The following SMCO2 variants were observed in gnomAD, a reference collection of about 807,000 sequenced individuals.
The protein encoded by SMCO2 is single-pass membrane and coiled-coil domain-containing protein 2.
A neutral mutation model predicts 29.5 loss-of-function variants in SMCO2; 25 were observed. That is an observed-to-expected ratio of 0.85 (90% confidence interval 0.62 to 1.18). SMCO2 has a LOEUF of 1.18. Ranked by LOEUF, SMCO2 falls within the 50% of genes most tolerant of loss-of-function variation. The pLI, the probability that SMCO2 is intolerant of heterozygous loss-of-function variation, is 0.00. For missense variants in SMCO2, 348 were observed against 344.5 expected (o/e 1.01, Z -0.08); for synonymous variants, 117 against 123.3 (o/e 0.95, Z 0.34).
At chr12:27,472,629 C>T in intron 2 of SMCO2, 147 bp from the exon 3 acceptor site, 1 of 533,216 alleles carries the variant, frequency 1.9e-6, no homozygotes, top group Non-Finnish European at 3.3e-6. Context: ...GTGTTATTCA[C>T]CCAGAAAGAA....
chr12:27,454,624 A>C, the SMCO2 span, among the ~76,000 whole-genome samples: 1 of 152,184 alleles, frequency 6.6e-6, no homozygotes, highest in African/African-American at 2.4e-5. Context: ...TGTGCAGAAC[A>C]TGCAGGTTTG....
chr12:27,432,510 A>T, the SMCO2 span, among the ~76,000 whole-genome samples: 1 of 152,232 alleles, frequency 6.6e-6, no homozygotes, highest in African/African-American at 2.4e-5. Flanking sequence ...TTATACAACT[A>T]TATAAGAAGA....
At chr12:27,448,394 A>G in the SMCO2 span, among the ~76,000 whole-genome samples, 1 of 152,228 alleles carries the variant, frequency 6.6e-6, no homozygotes, top group Non-Finnish European at 1.5e-5. Context: ...GTTTAGTAGA[A>G]TACTACTTGT....
chr12:27,478,058 G>C (rs544022347), intron 4 of SMCO2, among the ~76,000 whole-genome samples: 23 of 152,238 alleles, frequency 1.5e-4, no homozygotes, highest in Admixed American at 1.1e-3. Context: ...GGCTTTCATA[G>C]GGAAAGATTA....
At chr12:27,463,007 A>G (rs1300536438), upstream of SMCO2, among the ~76,000 whole-genome samples, 2 of 152,134 alleles carry the variant, frequency 1.3e-5, no homozygotes, top group Admixed American at 6.5e-5. Flanking sequence ...AGCTGGGACT[A>G]CACCATCCCT....
intron 4 of SMCO2, among the ~76,000 whole-genome samples, chr12:27,485,708 A>C (rs910639551): frequency 6.6e-6 from 1 of 152,100 alleles, no homozygotes; most frequent in African/African-American, 2.4e-5. Context: ...CAGCCTCCCA[A>C]AGTGCTGGGA....
the SMCO2 span, among the ~76,000 whole-genome samples, chr12:27,450,003 C>G: frequency 6.6e-6 from 1 of 152,190 alleles, no homozygotes; most frequent in African/African-American, 2.4e-5. Context: ...CCAGTTTTAG[C>G]TCATGACCCC....
the SMCO2 span, among the ~76,000 whole-genome samples, chr12:27,454,498 C>T: frequency 6.6e-6 from 1 of 152,158 alleles, no homozygotes; most frequent in Non-Finnish European, 1.5e-5. Flanking sequence ...GAACGTTTTA[C>T]AATTCTCTTT....
intron 7 of SMCO2, among the ~76,000 whole-genome samples, chr12:27,499,285 A>G (rs994233753): frequency 6.6e-6 from 1 of 150,982 alleles, no homozygotes; most frequent in Non-Finnish European, 1.5e-5. Flanking sequence ...GATACATACC[A>G]CAACATGATC....
chr12:27,465,041 AAAAAAAAAAAG>A (rs1949488031), upstream of SMCO2, among the ~76,000 whole-genome samples: 1 of 150,614 alleles, frequency 6.6e-6, no homozygotes, highest in African/African-American at 2.4e-5. Context: ...AAAAAAAAAA[AAAAAAAAAAAG>A]AAAGAAAAGA....
rs750674978 is a variant in SMCO2 at position 27,475,578 on chromosome 12, G to T, written c.362+665G>T. The T allele has an allele frequency of 1.3e-6, 2 of 1,518,410 alleles. No individual in the cohort carries two copies. The highest frequency in any genetic ancestry group is 1.8e-6 in the Non-Finnish European group (2 of 1,136,564). 94.1% of individuals were successfully genotyped at this position (1,518,410 alleles called of 1,614,324 possible). On this transcript the variant is annotated intron_variant, in intron 4 of 7. Transcript: ENST00000298876. ...TGAAAATGATCACCATAATATTTCC[G>T]CAGGTGTCTGAAGGGCATGTTCCTC...
intron 5 of SMCO2, among the ~76,000 whole-genome samples, chr12:27,490,868 A>G (rs1376495532): frequency 6.6e-6 from 1 of 152,116 alleles, no homozygotes; most frequent in Non-Finnish European, 1.5e-5. Context: ...TCAGGAGGTC[A>G]AGGCTGCAGT....
chr12:27,487,228 C>A (rs1409374281), intron 4 of SMCO2, among the ~76,000 whole-genome samples: 1 of 152,182 alleles, frequency 6.6e-6, no homozygotes, highest in Middle Eastern at 3.2e-3. Context: ...ACATATATTT[C>A]CTCCTACCCA....
chr12:27,486,776 C>T (rs191779357), intron 4 of SMCO2, among the ~76,000 whole-genome samples: 38 of 152,274 alleles, frequency 2.5e-4, no homozygotes, highest in African/African-American at 9.1e-4. Flanking sequence ...ATATTTGGGC[C>T]AGAGGGCTTT....
the SMCO2 span, among the ~76,000 whole-genome samples, chr12:27,457,481 A>C: frequency 6.6e-6 from 1 of 152,226 alleles, no homozygotes; most frequent in Admixed American, 6.5e-5. Context: ...GTATCATTAC[A>C]TAGTCTTTTG....
chr12:27,447,882 G>T, the SMCO2 span, among the ~76,000 whole-genome samples: 2 of 152,068 alleles, frequency 1.3e-5, no homozygotes, highest in African/African-American at 4.8e-5. Context: ...CTGGACTTAC[G>T]CGTCTGAGCC....
At chr12:27,449,991 G>C in the SMCO2 span, among the ~76,000 whole-genome samples, 1 of 151,990 alleles carries the variant, frequency 6.6e-6, no homozygotes, top group Non-Finnish European at 1.5e-5. Flanking sequence ...TCCATTCATC[G>C]GCCAGTTTTA....
the SMCO2 span, among the ~76,000 whole-genome samples, chr12:27,459,531 C>A: frequency 6.6e-6 from 1 of 152,136 alleles, no homozygotes; most frequent in East Asian, 1.9e-4. Flanking sequence ...ATGCTTATTA[C>A]CTGGGTGACA....
the SMCO2 span, chr12:27,424,753 G>A: frequency 1.3e-5 from 2 of 152,182 alleles, no homozygotes; most frequent in Admixed American, 6.5e-5. Context: ...CAGACAGGCC[G>A]ACATCTATGA....
Sources: gnomAD v4.1 joint callset for allele counts (sites outside exome capture counted in the v4.1 genomes callset) on GRCh38, gnomAD v4.1.1 for gene constraint, MANE v1.5 for transcripts, NCBI Gene and HGNC (gene_info 2026-07-23, HGNC 2026-07-21) for gene names.